CORO2B: variants seen among roughly 807,000 people sequenced by gnomAD.
The protein encoded by CORO2B is coronin-2B.
A neutral mutation model predicts 58.8 loss-of-function variants in CORO2B; 26 were observed. The observed-to-expected ratio is 0.44, with a 90% CI of 0.32 to 0.61. The LOEUF (loss-of-function observed/expected upper bound fraction) is 0.61. Ranked by LOEUF, CORO2B falls within the 20% of genes least tolerant of loss-of-function variation. The pLI, the probability that CORO2B is intolerant of heterozygous loss-of-function variation, is 0.04. For missense variants in CORO2B, 460 were observed against 645.1 expected (o/e 0.71, Z 3.11); for synonymous variants, 242 against 253.8 (o/e 0.95, Z 0.44).
At chr15:68,686,547 A>C (rs1484800248) in intron 2 of CORO2B, among the ~76,000 whole-genome samples, 1 of 152,188 alleles carries the variant, frequency 6.6e-6, no homozygotes, top group Non-Finnish European at 1.5e-5. Context: ...GAGGACTATA[A>C]GGATTTAATA....
intron 1 of CORO2B, among the ~76,000 whole-genome samples, chr15:68,608,751 G>A (rs906068855): frequency 2.0e-5 from 3 of 152,188 alleles, no homozygotes; most frequent in Admixed American, 6.5e-5. Context: ...CCCCTGCCCA[G>A]ACTCCCGAAT....
chr15:68,657,544 C>T (rs1309265177), intron 2 of CORO2B, among the ~76,000 whole-genome samples: 2 of 141,198 alleles, frequency 1.4e-5, no homozygotes, highest in Admixed American at 1.4e-4. Flanking sequence ...AAAGGAAATA[C>T]AGTTATCAAA....
rs1200617659 is a variant in CORO2B, at chr15:68,579,202, G to GGCCGCC, written c.-51_-46dup. The GGCCGCC allele has an allele frequency of 1.5e-5, 15 of 993,808 alleles. 1 individual carries two copies. The highest frequency in any genetic ancestry group is 1.2e-4 in the African/African-American group (7 of 56,806). 61.6% of individuals were successfully genotyped at this position (993,808 alleles called of 1,614,324 possible). The stretch of plus-strand genomic sequence containing the variant: ...CGGACCCCCTTCCGCCGCCGCCCCG[G>GGCCGCC]GCCGCCGCCGCCGCCCCCGCACGCC... On this transcript the variant is annotated 5_prime_UTR_variant, in exon 1 of 12. Coordinates refer to ENST00000261861, the MANE Select transcript of CORO2B (RefSeq NM_006091.5).
intron 1 of CORO2B, among the ~76,000 whole-genome samples, chr15:68,593,784 G>A (rs887313386): frequency 4.6e-5 from 7 of 152,094 alleles, no homozygotes; most frequent in Non-Finnish European, 1.5e-5. Context: ...GGTGTAGGAC[G>A]CATTGCACCA....
At chr15:68,520,983 A>G in the CORO2B span, among the ~76,000 whole-genome samples, 1 of 152,096 alleles carries the variant, frequency 6.6e-6, no homozygotes, top group East Asian at 1.9e-4. Context: ...TGGGAGGTGG[A>G]GGTTGAAGTG....
intron 1 of CORO2B, among the ~76,000 whole-genome samples, chr15:68,622,074 T>G (rs560485161): frequency 6.6e-6 from 1 of 152,316 alleles, no homozygotes; most frequent in African/African-American, 2.4e-5. Flanking sequence ...CTATTTGACC[T>G]TCTGAGTCTT....
At chr15:68,617,324 C>T (rs1427065825) in intron 1 of CORO2B, among the ~76,000 whole-genome samples, 1 of 152,246 alleles carries the variant, frequency 6.6e-6, no homozygotes, top group Non-Finnish European at 1.5e-5. Flanking sequence ...TAGGCTCACA[C>T]CACTTTTCAC....
chr15:68,714,588 G>A lies in CORO2B; in HGVS notation c.795G>A (p.Glu265=), dbSNP rs916537528. The A allele has an allele frequency of 2.5e-6, 4 of 1,614,138 alleles. No homozygotes were observed. Among genetic ancestry groups the A allele is most frequent in the African/African-American group, 2.7e-5 (2 of 75,042 alleles). The change falls in exon 7 of 12, where the codon GAG becomes GAA. Residue 265 remains glutamate, a synonymous_variant. Transcript: ENST00000261861. Reference sequence around the variant, plus strand: ...ACCTCTCCATGCCCCTGATCGAAGAGGAAATTGATGGGCTCTCTGGCCTCC... The same window carrying A: ...ACCTCTCCATGCCCCTGATCGAAGAAGAAATTGATGGGCTCTCTGGCCTCC... ...QEDLSMPLIE[E]EIDGLSGLLF...
Position 68,579,058 on chromosome 15 carries a change from AT to A in CORO2B, c.-204del. 1 of 983,516 alleles carries A rather than the reference AT, an allele frequency of 1.0e-6. No homozygotes were observed. The highest frequency in any genetic ancestry group is 1.2e-6 in the Non-Finnish European group (1 of 829,410). 60.9% of individuals were successfully genotyped at this position (983,516 alleles called of 1,614,324 possible). On this transcript the variant is annotated 5_prime_UTR_variant, in exon 1 of 12. Coordinates refer to ENST00000261861, the MANE Select transcript of CORO2B (RefSeq NM_006091.5). ...TTATAAATGCACATTCGGGGCTGAC[AT>A]CAGCGACGAGCGGCGGGCGAGCGCC... is the stretch of plus-strand genomic sequence containing the variant.
rs1230243277 is a variant in CORO2B, at chr15:68,710,873, G to A, written c.475G>A (p.Asp159Asn). 4 of 1,604,536 alleles carry A rather than the reference G, an allele frequency of 2.5e-6. No homozygotes were observed. Among genetic ancestry groups the A allele is most frequent in the Admixed American group, 1.7e-5 (1 of 59,018 alleles). The change falls in exon 4 of 12, where the codon GAC becomes AAC. Residue 159 changes from aspartate (D) to asparagine (N), a missense_variant. Coordinates refer to ENST00000261861, the MANE Select transcript of CORO2B (RefSeq NM_006091.5). This position sits in a 1 kb window ranked among gnomAD's most constrained non-coding sequence, Gnocchi z 4.1. ...TNNILFSAGY[D>N]YKVLIWNLDV... is the part of the protein sequence containing the mutation. ...CAACATCCTGTTCAGCGCTGGCTAC[G>A]ACTACAAGGTATGCAGTGGGCAGGC... is the stretch of plus-strand genomic sequence containing the variant.
intron 3 of CORO2B, among the ~76,000 whole-genome samples, chr15:68,701,478 ATT>A (rs71145193): frequency 7.0e-4 from 27 of 38,846 alleles, no homozygotes; most frequent in African/African-American, 2.1e-3. Flanking sequence ...CGCCCGGCTA[ATT>A]TTTTTTTTTT....
At chr15:68,545,854 T>C in the CORO2B span, among the ~76,000 whole-genome samples, 1 of 152,112 alleles carries the variant, frequency 6.6e-6, no homozygotes, top group Admixed American at 6.5e-5. Context: ...GCCTCAAAGG[T>C]GTGGCTTTGG....
At chr15:68,637,700 G>A (rs982391697) in intron 1 of CORO2B, among the ~76,000 whole-genome samples, 1 of 151,786 alleles carries the variant, frequency 6.6e-6, no homozygotes, top group African/African-American at 2.4e-5. Flanking sequence ...CTGATGGGCT[G>A]CCCCATGGGA....
intron 5 of CORO2B, among the ~76,000 whole-genome samples, chr15:68,713,589 T>C (rs1310372125): frequency 1.3e-5 from 2 of 152,184 alleles, no homozygotes; most frequent in East Asian, 3.8e-4. Flanking sequence ...TCCTTGCCTC[T>C]TCTGGGGGTT....
chr15:68,727,365 T>A lies in CORO2B; in HGVS notation c.*1391T>A, dbSNP rs1419690501. On this transcript the variant is annotated 3_prime_UTR_variant, in exon 12 of 12. Coordinates refer to ENST00000261861, the MANE Select transcript of CORO2B (RefSeq NM_006091.5). The stretch of plus-strand genomic sequence containing the variant: ...CACATTTTCTTTTATTCCTTCTTTT[T>A]TCCTCCTTTCATTTCCCACTACGCA... 1 of 152,486 alleles carries A rather than the reference T, an allele frequency of 6.6e-6. No homozygotes were observed. Among genetic ancestry groups the A allele is most frequent in the East Asian group, 1.9e-4 (1 of 5,192 alleles). The allele number at this position is 152,486 out of a possible 1,614,324, so 9.4% of individuals were successfully genotyped here.
chr15:68,518,797 T>C, the CORO2B span, among the ~76,000 whole-genome samples: 1 of 152,064 alleles, frequency 6.6e-6, no homozygotes, highest in Non-Finnish European at 1.5e-5. Flanking sequence ...AGGGTCCTTT[T>C]CTTGACAGCC....
intron 2 of CORO2B, among the ~76,000 whole-genome samples, chr15:68,689,686 T>G (rs765594336): frequency 1.3e-5 from 2 of 152,174 alleles, no homozygotes; most frequent in Non-Finnish European, 2.9e-5. Flanking sequence ...AAACAGTAAC[T>G]TGTACAACAG....
At chr15:68,545,336 G>C in the CORO2B span, among the ~76,000 whole-genome samples, 1 of 152,070 alleles carries the variant, frequency 6.6e-6, no homozygotes, top group Non-Finnish European at 1.5e-5. Flanking sequence ...TAAATGTCAG[G>C]TCTCAAATTT....
intron 1 of CORO2B, among the ~76,000 whole-genome samples, chr15:68,624,961 A>G (rs759333923): frequency 6.6e-6 from 1 of 152,178 alleles, no homozygotes; most frequent in Admixed American, 6.5e-5. Flanking sequence ...GATTACAGGC[A>G]TGAGCCACTG....
Sources: gnomAD v4.1 joint callset for allele counts (sites outside exome capture counted in the v4.1 genomes callset) on GRCh38, gnomAD v4.1.1 for gene constraint, Gnocchi (gnomAD v3.1) non-coding constraint, MANE v1.5 for transcripts, NCBI Gene and HGNC (gene_info 2026-07-23, HGNC 2026-07-21) for gene names.